The following TTLL8 variants were observed in gnomAD, a reference collection of about 807,000 sequenced individuals.
TTLL8 encodes the protein tubulin tyrosine ligase like 8, also known as protein monoglycylase TTLL8.
Under a neutral mutation model 77.8 loss-of-function variants are expected in TTLL8, and 65 were observed. That is an observed-to-expected ratio of 0.84 (90% CI 0.68 to 1.03). The LOEUF (loss-of-function observed/expected upper bound fraction) is 1.03. TTLL8 is among the 50% of genes least tolerant of loss of function. TTLL8 has a pLI of 0.00. For synonymous variants in TTLL8, 402 were observed against 422.8 expected, an observed-to-expected ratio of 0.95 and a Z score of 0.60; for missense variants, 910 against 1,004.5, an observed-to-expected ratio of 0.91 and a Z score of 1.27.
chr22:50,032,034 T>C (rs1392897332), exon 11 of TTLL8: 2 of 1,366,400 alleles, frequency 1.5e-6, no homozygotes, highest in African/African-American at 2.9e-5. Context: ...ACATGTTGTG[T>C]GCGGGCAGCA....
intron 12 of TTLL8, among the ~76,000 whole-genome samples, chr22:50,023,234 A>G (rs116429525): frequency 3.0e-4 from 45 of 152,378 alleles, no homozygotes; most frequent in African/African-American, 1.1e-3. Context: ...AAACTATGCA[A>G]TAATATTGCT....
intron 12 of TTLL8, among the ~76,000 whole-genome samples, chr22:50,025,194 C>T (rs1601905497): frequency 6.7e-6 from 1 of 149,294 alleles, no homozygotes; most frequent in African/African-American, 2.5e-5. Flanking sequence ...CGCATGCCTG[C>T]ATCATCATAT....
At chr22:50,036,132 AC>A (rs1406728023) in intron 8 of TTLL8, among the ~76,000 whole-genome samples, 1 of 152,078 alleles carries the variant, frequency 6.6e-6, no homozygotes, top group Non-Finnish European at 1.5e-5. Context: ...CTGGGTCCTG[AC>A]CCCAGGGCAC....
chr22:50,037,925 G>C (rs933394255), intron 8 of TTLL8, among the ~76,000 whole-genome samples: 1 of 151,950 alleles, frequency 6.6e-6, no homozygotes, highest in African/African-American at 2.4e-5. Context: ...CAGGATTCTG[G>C]CTGGGATTAC....
chr22:50,057,413 G>GTC (rs1569237040), upstream of TTLL8, among the ~76,000 whole-genome samples: 6 of 47,630 alleles, frequency 1.3e-4, no homozygotes, highest in African/African-American at 6.5e-4. Flanking sequence ...GGTTGGGCGG[G>GTC]AGGTCTGGGT....
chr22:50,048,363 T>C (rs554750889), intron 3 of TTLL8, among the ~76,000 whole-genome samples: 29 of 152,234 alleles, frequency 1.9e-4, no homozygotes, highest in Middle Eastern at 6.8e-3. Flanking sequence ...GATTAGGTCA[T>C]GAGCCTGAGC....
chr22:50,039,288 G>A (rs1024696671), intron 8 of TTLL8, among the ~76,000 whole-genome samples: 1 of 152,108 alleles, frequency 6.6e-6, no homozygotes, highest in African/African-American at 2.4e-5. Context: ...TTATGGGCTT[G>A]GATCCTCCTT....
Position 50,049,125 on chromosome 22 carries a change from T to C in TTLL8, c.264+124A>G, listed in dbSNP as rs1321348085. 3.1e-6 allele frequency: 4 copies of C among 1,306,974 alleles called. No individual in the cohort carries two copies. In the East Asian group the frequency reaches 1.9e-4, roughly 61 times the overall value. The allele number at this position is 1,306,974 out of a possible 1,614,324, so 81.0% of individuals were successfully genotyped here. A position where few individuals can be genotyped will look rare whatever the true frequency, so the allele number is the denominator to read the frequency against. Reference sequence around the variant, plus strand: ...CCCGGTCAAGGGGCCCTGCTGTGACTGGGGCTTTGCCCTCGCCGGGCTGCC... The same window carrying C: ...CCCGGTCAAGGGGCCCTGCTGTGACCGGGGCTTTGCCCTCGCCGGGCTGCC... On this transcript the variant is annotated intron_variant, in intron 3 of 13. Transcript: ENST00000266182.
chr22:50,052,438 T>C (rs2061449342), intron 1 of TTLL8, among the ~76,000 whole-genome samples: 1 of 151,712 alleles, frequency 6.6e-6, no homozygotes, highest in Non-Finnish European at 1.5e-5. Flanking sequence ...AAGTAACCAG[T>C]CCGGGAGAGC....
chr22:50,025,508 G>A (rs1320398418), intron 12 of TTLL8, among the ~76,000 whole-genome samples: 1 of 152,122 alleles, frequency 6.6e-6, no homozygotes, highest in Admixed American at 6.5e-5. Flanking sequence ...GCATGGTGGT[G>A]CGTGCCTGTA....
chr22:50,030,186 C>T (rs1038326285), intron 12 of TTLL8: 1 of 985,250 alleles, frequency 1.0e-6, no homozygotes, highest in Non-Finnish European at 1.2e-6. Context: ...ACAGAGGGGA[C>T]CCCACCATCC....
At chr22:50,047,238 A>G (rs969221069) in exon 4 of TTLL8, 24 of 1,367,546 alleles carry the variant, frequency 1.8e-5, no homozygotes, top group African/African-American at 3.0e-5. Flanking sequence ...GTGATAGTCA[A>G]TGATGTCCCT....
rs79261352 is a variant in TTLL8, at chr22:50,027,880, G to A, written c.2203+2550C>T. On this transcript the variant is annotated intron_variant, in intron 12 of 13. Transcript: ENST00000266182. ...GCCGTGCCCTCGAGGGCCTGACCGC[G>A]AAACGCTCGTACGCACGGGTTGGAG... 908 of 871,032 alleles carry A rather than the reference G, an allele frequency of 1.0e-3. 12 individuals are homozygous for A. In the African/African-American group the frequency reaches 0.015, roughly 14 times the overall value. 54.0% of individuals were successfully genotyped at this position (871,032 alleles called of 1,614,324 possible).
At chr22:50,020,142 T>C (rs182147720) in intron 12 of TTLL8, among the ~76,000 whole-genome samples, 2 of 152,334 alleles carry the variant, frequency 1.3e-5, no homozygotes, top group Middle Eastern at 3.4e-3. Context: ...ATTTCAGAAT[T>C]ACATATTATT....
Position 50,047,103 on chromosome 22 carries a change from G to T in TTLL8, c.393+65C>A, listed in dbSNP as rs1209055370. 3.0e-6 allele frequency: 4 copies of T among 1,345,798 alleles called. No homozygotes were observed. In the East Asian group the frequency reaches 1.9e-4, roughly 63 times the overall value. The allele number at this position is 1,345,798 out of a possible 1,614,324, so 83.4% of individuals were successfully genotyped here. ...TGACCAGCCACCGAGGGTCCCTAAT[G>T]GCTGCAGAAGCTCCTCCCCACCACC... On this transcript the variant is annotated intron_variant, in intron 4 of 13. Transcript: ENST00000266182.
chr22:50,048,109 C>A (rs1289394539), intron 3 of TTLL8, among the ~76,000 whole-genome samples: 3 of 124,794 alleles, frequency 2.4e-5, no homozygotes, highest in African/African-American at 9.6e-5. Flanking sequence ...AACACCCCCC[C>A]AAAAAAGTGT....
At chr22:50,030,444 G>A (rs200889119) in exon 12 of TTLL8, 14 of 1,333,312 alleles carry the variant, frequency 1.1e-5, no homozygotes, top group Middle Eastern at 3.2e-4. Context: ...TCCTCCGGGC[G>A]GCGGACGCAG....
intron 8 of TTLL8, among the ~76,000 whole-genome samples, chr22:50,036,565 T>A (rs1201021260): frequency 6.6e-6 from 1 of 151,812 alleles, no homozygotes; most frequent in East Asian, 1.9e-4. Flanking sequence ...ACTACACAAT[T>A]GGTGCTCCTT....
At chr22:50,055,391 T>A, upstream of TTLL8, 3 of 1,218,230 alleles carry the variant, frequency 2.5e-6, no homozygotes, top group Non-Finnish European at 3.2e-6. Flanking sequence ...CGGTGGCTCA[T>A]GCCTGTAATC....
Sources: gnomAD v4.1 joint callset for allele counts (sites outside exome capture counted in the v4.1 genomes callset) on GRCh38, gnomAD v4.1.1 for gene constraint, MANE v1.5 for transcripts, NCBI Gene and HGNC (gene_info 2026-07-23, HGNC 2026-07-21) for gene names.